Variants in PPP2CA observed in about 807,000 individuals in gnomAD.
PPP2CA encodes serine/threonine-protein phosphatase 2A catalytic subunit alpha isoform.
Under a neutral mutation model 38.8 loss-of-function variants are expected in PPP2CA, and 5 were observed. The observed-to-expected ratio is 0.13, with a 90% CI of 0.07 to 0.27. The LOEUF is 0.27. Among genes scored for constraint, PPP2CA ranks in the 10% least tolerant of loss-of-function variants. The pLI is 1.00. For synonymous variants in PPP2CA, 152 were observed against 134.0 expected (o/e 1.13, Z -0.93); for missense variants, 88 against 389.7 (o/e 0.23, Z 6.52).
At chr5:134,212,423 T>C (rs190641449) in intron 1 of PPP2CA, among the ~76,000 whole-genome samples, 473 of 152,322 alleles carry the variant, frequency 3.1e-3, no homozygotes, top group Non-Finnish European at 5.6e-3. Context: ...CTACCAACCG[T>C]GCCCATAAGA....
chr5:134,216,859 GCCTAA>G (rs1381188201), intron 1 of PPP2CA, among the ~76,000 whole-genome samples: 5 of 152,128 alleles, frequency 3.3e-5, no homozygotes, highest in Non-Finnish European at 7.3e-5. Flanking sequence ...GTCAATGCAG[GCCTAA>G]CCTGTCTTCT....
chr5:134,220,610 GAATA>G (rs757263535), intron 1 of PPP2CA, among the ~76,000 whole-genome samples: 3 of 152,176 alleles, frequency 2.0e-5, no homozygotes, highest in East Asian at 1.9e-4. Context: ...AAAGCAGAAA[GAATA>G]AATAGTGTCT....
At chr5:134,224,483 A>G (rs1762518110) in intron 1 of PPP2CA, 4 of 353,288 alleles carry the variant, frequency 1.1e-5, no homozygotes, top group Non-Finnish European at 1.1e-5. Flanking sequence ...CCTAATTTTC[A>G]CATCAAACCA....
At chr5:134,217,688 GAACAT>G (rs1762350562) in intron 1 of PPP2CA, among the ~76,000 whole-genome samples, 4 of 152,326 alleles carry the variant, frequency 2.6e-5, no homozygotes, top group Admixed American at 1.3e-4. Context: ...ACATGATGTA[GAACAT>G]ATTACTAGCC....
chr5:134,198,519 AAAAC>A (rs1761905395), intron 6 of PPP2CA, among the ~76,000 whole-genome samples: 1 of 152,214 alleles, frequency 6.6e-6, no homozygotes. Flanking sequence ...CATTAAAAAA[AAAAC>A]AAAACTTAAA....
chr5:134,218,716 T>G (rs1762372891), intron 1 of PPP2CA, among the ~76,000 whole-genome samples: 1 of 151,564 alleles, frequency 6.6e-6, no homozygotes. Context: ...TCGCTTAGGC[T>G]GGAGTGCAGG....
rs550354155 is a variant in PPP2CA at position 134,195,725 on chromosome 5, T to C, written c.*2047A>G. ...TAGCCATTTTCAAAAGAAGGTAGGG[T>C]ACTAACACTTTCCAGTTTAGATGGC... On this transcript the variant is annotated 3_prime_UTR_variant, in exon 7 of 7. Coordinates refer to ENST00000481195, the MANE Select transcript of PPP2CA (RefSeq NM_002715.4). 2 of 152,184 alleles carry C rather than the reference T, an allele frequency of 1.3e-5. No homozygotes were observed. The highest frequency in any genetic ancestry group is 4.8e-5 in the African/African-American group (2 of 41,464). 9.4% of individuals were successfully genotyped at this position (152,184 alleles called of 1,614,324 possible).
chr5:134,220,181 G>A (rs1336358911), intron 1 of PPP2CA, among the ~76,000 whole-genome samples: 2 of 151,714 alleles, frequency 1.3e-5, no homozygotes, highest in African/African-American at 4.8e-5. Flanking sequence ...AAACAGGTCT[G>A]GTGCCAGTGG....
chr5:134,220,456 C>CAAAAGAAA (rs1762413513), intron 1 of PPP2CA, among the ~76,000 whole-genome samples: 1 of 54,048 alleles, frequency 1.9e-5, no homozygotes, highest in African/African-American at 6.8e-5. Context: ...GACTCTATCT[C>CAAAAGAAA]AAAAAAAAAA....
intron 2 of PPP2CA, among the ~76,000 whole-genome samples, chr5:134,205,161 G>A (rs1298713781): frequency 1.3e-5 from 2 of 151,726 alleles, no homozygotes; most frequent in Non-Finnish European, 2.9e-5. Context: ...ACAAACTCTT[G>A]GACTCAAGCA....
intron 1 of PPP2CA, chr5:134,224,527 C>A (rs564076834): frequency 9.4e-5 from 31 of 330,024 alleles, no homozygotes; most frequent in Non-Finnish European, 1.4e-4. Context: ...TCCATTAATT[C>A]TTTTCACGGA....
rs953513121 is a variant in PPP2CA at position 134,196,459 on chromosome 5, G to A, written c.*1313C>T. ...CACTTTAAGTACCATTTTTGTCTTCGGGTGAATGTACATAAGACTAAATCA... is the reference window on the plus strand; with the variant it reads ...CACTTTAAGTACCATTTTTGTCTTCAGGTGAATGTACATAAGACTAAATCA... On this transcript the variant is annotated 3_prime_UTR_variant, in exon 7 of 7. Transcript: ENST00000481195. 3 of 152,002 alleles carry A rather than the reference G, an allele frequency of 2.0e-5. No individual in the cohort carries two copies. The highest frequency in any genetic ancestry group is 2.4e-5 in the African/African-American group (1 of 41,370). The allele number at this position is 152,002 out of a possible 1,614,324, so 9.4% of individuals were successfully genotyped here.
rs151073903 is a variant in PPP2CA, at chr5:134,221,722, C to A, written c.102+4038G>T. ...CGCTGGCTCAAGCCTGTAATCCCAG[C>A]ACTTTGGGAGGCTGAGGTGGGTGGA... On this transcript the variant is annotated intron_variant, in intron 1 of 6. Transcript: ENST00000481195. 8.7e-4 allele frequency among the ~76,000 whole-genome samples: 133 copies of A among 152,192 alleles called. 3 individuals are homozygous for A. The East Asian group carries it at 0.021, about 24-fold the overall frequency.
intron 1 of PPP2CA, among the ~76,000 whole-genome samples, chr5:134,213,335 A>T (rs1210553863): frequency 6.6e-6 from 1 of 152,212 alleles, no homozygotes; most frequent in Non-Finnish European, 1.5e-5. Flanking sequence ...GAAATGGAAC[A>T]ACAAAGCCTG....
chr5:134,221,626 G>A (rs948509167), intron 1 of PPP2CA, among the ~76,000 whole-genome samples: 1 of 152,004 alleles, frequency 6.6e-6, no homozygotes, highest in Non-Finnish European at 1.5e-5. Context: ...AAGACAAAGA[G>A]GAACAACAGT....
intron 1 of PPP2CA, among the ~76,000 whole-genome samples, chr5:134,224,661 G>A (rs1762524320): frequency 6.6e-6 from 1 of 152,200 alleles, no homozygotes; most frequent in Non-Finnish European, 1.5e-5. Context: ...TTAGAAAACT[G>A]AGTTACAAGA....
At chr5:134,216,356 G>T (rs1183659892) in intron 1 of PPP2CA, among the ~76,000 whole-genome samples, 3 of 151,460 alleles carry the variant, frequency 2.0e-5, no homozygotes, top group Non-Finnish European at 4.4e-5. Flanking sequence ...GGGCAACATG[G>T]CGAAACACCC....
intron 2 of PPP2CA, among the ~76,000 whole-genome samples, chr5:134,205,225 A>G (rs1762053856): frequency 6.6e-6 from 1 of 152,128 alleles, no homozygotes; most frequent in African/African-American, 2.4e-5. Context: ...GCCACGAGCC[A>G]CCGTGACCAG....
chr5:134,211,859 T>C (rs1762209065), intron 1 of PPP2CA, among the ~76,000 whole-genome samples: 1 of 152,144 alleles, frequency 6.6e-6, no homozygotes, highest in South Asian at 2.1e-4. Flanking sequence ...GGCTCACGCC[T>C]GTAATCCTAG....
Sources: allele counts gnomAD v4.1 joint callset (sites outside exome capture counted in the v4.1 genomes callset), GRCh38; gene constraint gnomAD v4.1.1; transcripts MANE v1.5; gene names NCBI Gene and HGNC (gene_info 2026-07-23, HGNC 2026-07-21).